Variants in PKP4 observed in about 807,000 individuals in gnomAD.
PKP4 encodes plakophilin 4.
In PKP4, 90 loss-of-function variants were observed where a neutral mutation model predicts 145.1. The observed-to-expected ratio is 0.62, with a 90% confidence interval of 0.52 to 0.74. The LOEUF (loss-of-function observed/expected upper bound fraction) is 0.74. Among genes scored for constraint, PKP4 ranks in the 30% least tolerant of loss-of-function variants. The pLI, the probability that PKP4 is intolerant of heterozygous loss-of-function variation, is 0.00. For synonymous variants in PKP4, 563 were observed against 577.2 expected (o/e 0.98, Z 0.35); for missense variants, 1,340 against 1,482.7 (o/e 0.90, Z 1.58).
chr2:158,482,827 CAA>C (rs76335299), intron 1 of PKP4, among the ~76,000 whole-genome samples: 21 of 117,922 alleles, frequency 1.8e-4, no homozygotes, highest in Non-Finnish European at 7.3e-5. Flanking sequence ...GACCTTGCTT[CAA>C]AAAAAAAAAA....
intron 2 of PKP4, among the ~76,000 whole-genome samples, chr2:158,553,723 T>G (rs2045831879): frequency 6.6e-6 from 1 of 152,190 alleles, no homozygotes; most frequent in Non-Finnish European, 1.5e-5. Context: ...CCTTTTGGAA[T>G]GGGAGTGTCA....
chr2:158,499,807 T>G (rs967435759), intron 1 of PKP4, among the ~76,000 whole-genome samples: 1 of 152,230 alleles, frequency 6.6e-6, no homozygotes, highest in Non-Finnish European at 1.5e-5. Flanking sequence ...CCCATAGATT[T>G]GTCTTAGACT....
At chr2:158,614,797 A>G (rs1048274929) in intron 4 of PKP4, among the ~76,000 whole-genome samples, 12 of 152,144 alleles carry the variant, frequency 7.9e-5, no homozygotes, top group African/African-American at 2.9e-4. Context: ...TTTTAGTGAT[A>G]TGTGAAGAAA....
chr2:158,531,487 G>T (rs1451831419), intron 1 of PKP4, among the ~76,000 whole-genome samples: 1 of 152,042 alleles, frequency 6.6e-6, no homozygotes, highest in Non-Finnish European at 1.5e-5. Flanking sequence ...TAGGATCTTT[G>T]TGTAGCATTT....
At chr2:158,562,305 C>T (rs76531023) in intron 2 of PKP4, among the ~76,000 whole-genome samples, 4,024 of 152,128 alleles carry the variant, frequency 0.026, 142 homozygotes, top group East Asian at 0.13. Flanking sequence ...ATATATATTG[C>T]GATGGAATAT....
In PKP4 at chr2:158,625,414, A is replaced by G. The variant is rs759030207; in HGVS notation, c.1140A>G (p.Pro380=). 21 of 1,610,686 alleles carry G rather than the reference A, an allele frequency of 1.3e-5. No homozygotes were observed. The highest frequency in any genetic ancestry group is 1.7e-5 in the Non-Finnish European group (20 of 1,177,398). Residue 380 remains proline (P), a synonymous_variant, in exon 7 of 22, where the codon CCA becomes CCG. Transcript: ENST00000389759. The part of the protein sequence containing the change: ...DIYERMVPPR[P]DSLTGLRSSY... Reference sequence around the variant, plus strand: ...ATGAGAGGATGGTTCCACCCAGGCCAGACAGCCTGACAGGTGCGTACAAGG... The same window carrying G: ...ATGAGAGGATGGTTCCACCCAGGCCGGACAGCCTGACAGGTGCGTACAAGG...
chr2:158,602,071 T>G (rs2050279842), intron 3 of PKP4, among the ~76,000 whole-genome samples: 1 of 152,188 alleles, frequency 6.6e-6, no homozygotes, highest in South Asian at 2.1e-4. Flanking sequence ...AAGAAAAACA[T>G]GTAATGGCTG....
chr2:158,666,337 A>G (rs1244438484), intron 15 of PKP4, 76 bp from the exon 16 acceptor site: 5 of 1,234,628 alleles, frequency 4.0e-6, no homozygotes, highest in Non-Finnish European at 5.4e-6. Context: ...TTTTGGAAAC[A>G]TCTTTTTTAG....
chr2:158,566,452 A>G (rs1043720016), intron 2 of PKP4, among the ~76,000 whole-genome samples: 2 of 150,566 alleles, frequency 1.3e-5, no homozygotes, highest in African/African-American at 2.5e-5. Flanking sequence ...ATTAGGTGAT[A>G]TGCATCATTG....
intron 9 of PKP4, among the ~76,000 whole-genome samples, chr2:158,640,264 C>T (rs1055814324): frequency 1.3e-5 from 2 of 152,208 alleles, no homozygotes; most frequent in Non-Finnish European, 1.5e-5. Flanking sequence ...CATCTCACTT[C>T]GCTACAGTGC....
At chr2:158,567,451 T>A (rs753864175) in intron 2 of PKP4, among the ~76,000 whole-genome samples, 1 of 152,164 alleles carries the variant, frequency 6.6e-6, no homozygotes, top group Non-Finnish European at 1.5e-5. Context: ...TATAAGTAGT[T>A]TTATGGGTTG....
chr2:158,551,392 C>G (rs1191881030), intron 2 of PKP4, among the ~76,000 whole-genome samples: 2 of 152,122 alleles, frequency 1.3e-5, no homozygotes, highest in Admixed American at 6.6e-5. Context: ...GAAGCGATTC[C>G]CAAGGTAATT....
At chr2:158,489,377 A>T (rs374781413) in intron 1 of PKP4, among the ~76,000 whole-genome samples, 5 of 152,284 alleles carry the variant, frequency 3.3e-5, no homozygotes, top group East Asian at 1.9e-4. Context: ...AATGAAAGAG[A>T]TTTCTGACGC....
intron 6 of PKP4, among the ~76,000 whole-genome samples, chr2:158,624,221 G>C (rs906829621): frequency 6.6e-6 from 1 of 152,108 alleles, no homozygotes; most frequent in Non-Finnish European, 1.5e-5. Context: ...TGATCTAAAG[G>C]AATCAACAAA....
At chr2:158,506,216 A>G (rs2040962353) in intron 1 of PKP4, among the ~76,000 whole-genome samples, 1 of 152,180 alleles carries the variant, frequency 6.6e-6, no homozygotes, top group African/African-American at 2.4e-5. Context: ...CTTGCTCTGC[A>G]GTGCAGTCCT....
At chr2:158,514,896 G>A (rs975092828) in intron 1 of PKP4, among the ~76,000 whole-genome samples, 8 of 152,224 alleles carry the variant, frequency 5.3e-5, no homozygotes, top group African/African-American at 1.4e-4. Flanking sequence ...AGCCAAGATT[G>A]TGCCATTGCA....
At chr2:158,497,062 G>A (rs564891909) in intron 1 of PKP4, among the ~76,000 whole-genome samples, 121 of 152,074 alleles carry the variant, frequency 8.0e-4, no homozygotes, top group Admixed American at 1.8e-3. Flanking sequence ...GGTGTGCCAC[G>A]ATTCTTCAGC....
chr2:158,573,748 A>AGAGGG (rs2047605431), intron 2 of PKP4, among the ~76,000 whole-genome samples: 1 of 151,606 alleles, frequency 6.6e-6, no homozygotes, highest in African/African-American at 2.4e-5. Flanking sequence ...CCTGTGGAGG[A>AGAGGG]GAGGGGAAGG....
chr2:158,587,203 C>T (rs1041006294), intron 3 of PKP4, among the ~76,000 whole-genome samples: 1 of 152,016 alleles, frequency 6.6e-6, no homozygotes, highest in Non-Finnish European at 1.5e-5. Context: ...AATGGAGGCA[C>T]CTCAGCTGTA....
Sources: allele counts gnomAD v4.1 joint callset (sites outside exome capture counted in the v4.1 genomes callset), GRCh38; gene constraint gnomAD v4.1.1; transcripts MANE v1.5; gene names NCBI Gene and HGNC (gene_info 2026-07-23, HGNC 2026-07-21).